ZNF765: variants seen among roughly 807,000 people sequenced by gnomAD.
ZNF765 encodes zinc finger protein 765.
ZNF765 carries 37 observed loss-of-function variants against 44.7 expected under a neutral mutation model. The ratio of observed to expected loss-of-function variants is 0.83; its 90% CI spans 0.64 to 1.09. The LOEUF (loss-of-function observed/expected upper bound fraction) is 1.09. Ranked by LOEUF, ZNF765 falls within the 50% of genes least tolerant of loss-of-function variation. The probability of loss-of-function intolerance (pLI) is 0.00; values close to 1 mark genes in which losing one functional copy is unlikely to be tolerated. For missense variants in ZNF765, 594 were observed against 626.1 expected (o/e 0.95, Z 0.55); for synonymous variants, 201 against 213.7 (o/e 0.94, Z 0.52).
At chr19:53,423,199 C>G in exon 4 of ZNF765, 1 of 698,322 alleles carries the variant, frequency 1.4e-6, no homozygotes, top group Non-Finnish European at 2.6e-6. Flanking sequence ...TGTTCCTCAG[C>G]TGGCTCCTCC....
At position 53,397,985 on chromosome 19, in the gene ZNF765, G is replaced by T. The variant is rs2085687257; in HGVS notation, c.-31G>T. 1.2e-6 allele frequency: 2 copies of T among 1,612,338 alleles called. No homozygotes were observed. The highest frequency in any genetic ancestry group is 2.7e-5 in the African/African-American group (2 of 74,888). Reference sequence around the variant, plus strand: ...TCTTGGTATGTGAGGAAGAAACCTGGAAGAGGAAGAGGAAAGCAAAGGAGT... The same window carrying T: ...TCTTGGTATGTGAGGAAGAAACCTGTAAGAGGAAGAGGAAAGCAAAGGAGT... On this transcript the variant is annotated 5_prime_UTR_variant, in exon 2 of 4. Transcript: ENST00000396408.
chr19:53,400,197 C>G (rs1360750091), intron 2 of ZNF765, among the ~76,000 whole-genome samples: 1 of 152,114 alleles, frequency 6.6e-6, no homozygotes. Flanking sequence ...TCTTTGTGCT[C>G]CAGTAAATAT....
rs1483559228 is a variant in ZNF765, at chr19:53,409,701, A to C, written c.*574A>C. On this transcript the variant is annotated 3_prime_UTR_variant, in exon 4 of 4. Transcript: ENST00000396408. ...ACTTCATACTGGAGGATACCTTACAAATGTAATGAGTGTGGCAAGACCTTT... is the reference window on the plus strand; with the variant it reads ...ACTTCATACTGGAGGATACCTTACACATGTAATGAGTGTGGCAAGACCTTT... 9.6e-7 allele frequency: 1 copy of C among 1,038,992 alleles called. No individual in the cohort carries two copies. The highest frequency in any genetic ancestry group is 1.5e-6 in the Non-Finnish European group (1 of 664,870). 64.4% of individuals were successfully genotyped at this position (1,038,992 alleles called of 1,614,324 possible). A position where few individuals can be genotyped will look rare whatever the true frequency, so the allele number is the denominator to read the frequency against.
chr19:53,421,762 C>G (rs1315821516), intron 3 of ZNF765, among the ~76,000 whole-genome samples: 1 of 152,200 alleles, frequency 6.6e-6, no homozygotes, highest in African/African-American at 2.4e-5. Flanking sequence ...GATCCGCCCA[C>G]CTTTGCCTCC....
downstream of ZNF765, among the ~76,000 whole-genome samples, chr19:53,415,721 C>T (rs1407694679): frequency 1.3e-5 from 2 of 152,048 alleles, no homozygotes; most frequent in Non-Finnish European, 1.5e-5. Context: ...GCCATGGGAT[C>T]GACTCTTGAG....
At chr19:53,419,481 G>C (rs1287743258) in intron 3 of ZNF765, among the ~76,000 whole-genome samples, 1 of 152,140 alleles carries the variant, frequency 6.6e-6, no homozygotes, top group Admixed American at 6.5e-5. Flanking sequence ...AGTTAGGAAG[G>C]CAACATTTAG....
intron 3 of ZNF765, among the ~76,000 whole-genome samples, chr19:53,422,084 A>G (rs1336387413): frequency 6.6e-6 from 1 of 152,192 alleles, no homozygotes; most frequent in Non-Finnish European, 1.5e-5. Context: ...ATTTATTCAT[A>G]ATTGGTATCA....
Position 53,408,540 on chromosome 19 carries a change from T to C in ZNF765, c.985T>C (p.Cys329Arg). 1.2e-6 allele frequency: 2 copies of C among 1,611,978 alleles called. No individual in the cohort carries two copies. Among genetic ancestry groups the C allele is most frequent in the Non-Finnish European group, 1.7e-6 (2 of 1,178,906 alleles). The change falls in exon 4 of 4, where the codon TGT (cysteine) becomes CGT (arginine). Residue 329 changes from cysteine (C) to arginine (R), a missense_variant. Cys to Arg is a radical substitution (Grantham distance 180, BLOSUM62 -3). Around this residue, in one of 2 missense-constraint regions of ZNF765, gnomAD observed 567 missense variants for 572.6 expected, o/e 0.99. Transcript: ENST00000396408. ...TCATACTGGAGAGAAACCGTACAAG[T>C]GTAATGAGTGTGGCAAGACCTTTAG... ...RIHTGEKPYK[C>R]NECGKTFSQK...
At chr19:53,426,645 C>T (rs2085941370) in exon 4 of ZNF765, 1 of 152,268 alleles carries the variant, frequency 6.6e-6, no homozygotes, top group Non-Finnish European at 1.5e-5. Context: ...ATCAGCAGCG[C>T]CACTGCATCT....
downstream of ZNF765, chr19:53,413,058 C>G (rs937791466): frequency 3.0e-6 from 1 of 331,758 alleles, no homozygotes; most frequent in African/African-American, 2.2e-5. Context: ...TGCAGTGAGC[C>G]GAGATGGCGC....
chr19:53,415,879 G>A (rs574740805), downstream of ZNF765, among the ~76,000 whole-genome samples: 9 of 152,142 alleles, frequency 5.9e-5, no homozygotes, highest in East Asian at 1.5e-3. Flanking sequence ...GCATCTCTCT[G>A]ACATATATTT....
intron 2 of ZNF765, among the ~76,000 whole-genome samples, chr19:53,400,763 C>T (rs1283414373): frequency 3.4e-5 from 4 of 116,798 alleles, no homozygotes; most frequent in Non-Finnish European, 3.5e-5. Context: ...TATTTGTTGA[C>T]ATATATATAT....
chr19:53,399,349 C>A (rs1466260543), intron 2 of ZNF765, among the ~76,000 whole-genome samples: 2 of 151,004 alleles, frequency 1.3e-5, no homozygotes, highest in Non-Finnish European at 2.9e-5. Context: ...AGACCCTTTG[C>A]CATCAGGCAT....
intron 3 of ZNF765, among the ~76,000 whole-genome samples, chr19:53,421,956 T>G (rs1055297530): frequency 6.6e-6 from 1 of 152,084 alleles, no homozygotes; most frequent in African/African-American, 2.4e-5. Context: ...AAGAAATGAG[T>G]CTCTGTGTGG....
intron 3 of ZNF765, among the ~76,000 whole-genome samples, chr19:53,407,145 C>T (rs565879876): frequency 4.0e-5 from 6 of 151,866 alleles, no homozygotes; most frequent in Admixed American, 1.3e-4. Context: ...CCCATGAGTA[C>T]GTGGGACTAA....
At chr19:53,420,679 C>T (rs2085901659) in intron 3 of ZNF765, among the ~76,000 whole-genome samples, 1 of 152,142 alleles carries the variant, frequency 6.6e-6, no homozygotes, top group African/African-American at 2.4e-5. Flanking sequence ...CCTGTCATTG[C>T]AGAGACGTAT....
At chr19:53,406,377 T>C (rs2085776743) in intron 3 of ZNF765, among the ~76,000 whole-genome samples, 1 of 152,002 alleles carries the variant, frequency 6.6e-6, no homozygotes, top group Non-Finnish European at 1.5e-5. Flanking sequence ...TTTGACCTCA[T>C]AAGTCAGAAG....
chr19:53,411,889 T>G lies in ZNF765; in HGVS notation c.*2762T>G, dbSNP rs2085837291. On this transcript the variant is annotated 3_prime_UTR_variant, in exon 4 of 4. Transcript: ENST00000396408. ...CTAATTTTTGGTGCTGATACTGTAT[T>G]GTGCAAATCCACTGAATATGTTACT... The G allele has an allele frequency of 6.5e-6, 1 of 152,970 alleles. No individual in the cohort carries two copies. Among genetic ancestry groups the G allele is most frequent in the South Asian group, 2.0e-4 (1 of 4,940 alleles). 9.5% of individuals were successfully genotyped at this position (152,970 alleles called of 1,614,324 possible).
At chr19:53,424,116 T>A (rs1436429444) in exon 4 of ZNF765, 1 of 152,032 alleles carries the variant, frequency 6.6e-6, no homozygotes, top group Admixed American at 6.6e-5. Context: ...CCAACATCCA[T>A]AAACTGACAG....
Sources: gnomAD v4.1 joint callset for allele counts (sites outside exome capture counted in the v4.1 genomes callset) on GRCh38, gnomAD v4.1.1 for gene constraint, gnomAD v4.1.1 regional missense constraint, MANE v1.5 for transcripts, NCBI Gene and HGNC (gene_info 2026-07-23, HGNC 2026-07-21) for gene names.